The following FANK1 variants were observed in gnomAD, a reference collection of about 807,000 sequenced individuals.
FANK1 encodes fibronectin type 3 and ankyrin repeat domains protein 1.
Under a neutral mutation model 45.3 loss-of-function variants are expected in FANK1, and 44 were observed. That is an observed-to-expected ratio of 0.97 (90% CI 0.76 to 1.25). FANK1 has a LOEUF of 1.25. Among genes scored for constraint, FANK1 ranks in the 50% most tolerant of loss-of-function variants. The probability of loss-of-function intolerance (pLI) is 0.00; values close to 1 mark genes in which losing one functional copy is unlikely to be tolerated. For synonymous variants in FANK1, 149 were observed against 152.5 expected (o/e 0.98, Z 0.17); for missense variants, 391 against 424.4 (o/e 0.92, Z 0.69).
chr10:125,969,775 C>T (rs1475907132), intron 1 of FANK1, among the ~76,000 whole-genome samples: 2 of 152,050 alleles, frequency 1.3e-5, no homozygotes, highest in Admixed American at 1.3e-4. Flanking sequence ...ACCCTGTGGC[C>T]TTCCCCAGTG....
intron 1 of FANK1, among the ~76,000 whole-genome samples, chr10:125,903,638 C>T (rs1415366276): frequency 5.3e-5 from 8 of 151,306 alleles, no homozygotes; most frequent in East Asian, 1.9e-4. Context: ...GGATTCAGCC[C>T]GGGCAACATG....
chr10:125,940,364 CAAAT>C (rs1301476315), intron 1 of FANK1, among the ~76,000 whole-genome samples: 1 of 152,104 alleles, frequency 6.6e-6, no homozygotes, highest in Non-Finnish European at 1.5e-5. Flanking sequence ...CTCTGTGTCA[CAAAT>C]AAGTTCAAGG....
At chr10:125,906,570 T>C (rs1164156538) in intron 1 of FANK1, among the ~76,000 whole-genome samples, 5 of 144,702 alleles carry the variant, frequency 3.5e-5, no homozygotes, top group African/African-American at 1.3e-4. Flanking sequence ...AGTGTTTTAC[T>C]AGTGTTGGTT....
Position 125,941,743 on chromosome 10 carries a change from A to G in FANK1, c.14-38418A>G, listed in dbSNP as rs147712722. ...GTGAACCACGGCTACTCACAACTTG[A>G]TATATCCCAGTAACATGACATTTAA... On this transcript the variant is annotated intron_variant, in intron 1 of 10. Transcript: ENST00000368693. Among the ~76,000 whole-genome samples the G allele has an allele frequency of 3.8e-4, 58 of 152,366 alleles. No individual in the cohort carries two copies. The East Asian group carries it at 7.9e-3, about 21-fold the overall frequency.
chr10:126,005,058 C>T lies in FANK1; in HGVS notation c.705+9C>T, dbSNP rs1385142337. On this transcript the variant is annotated intron_variant, in intron 7 of 10. Coordinates refer to ENST00000368693, the MANE Select transcript of FANK1 (RefSeq NM_145235.5). ...TAAAGGATGGCTGTGAGGTACGGGA[C>T]CTGCCTTGTTAACCACGCACATATC... 1.1e-5 allele frequency: 18 copies of T among 1,610,330 alleles called. No homozygotes were observed. Among genetic ancestry groups the T allele is most frequent in the African/African-American group, 2.7e-5 (2 of 74,820 alleles).
At chr10:125,988,248 A>G (rs1351493944) in intron 2 of FANK1, among the ~76,000 whole-genome samples, 1 of 152,200 alleles carries the variant, frequency 6.6e-6, no homozygotes, top group East Asian at 1.9e-4. Flanking sequence ...CAAATATAAA[A>G]CTTTGTTACT....
chr10:125,930,777 G>C (rs1204071602), intron 1 of FANK1, among the ~76,000 whole-genome samples: 1 of 152,102 alleles, frequency 6.6e-6, no homozygotes, highest in Non-Finnish European at 1.5e-5. Context: ...ACATGAGTAA[G>C]TTCTTTAGTG....
At chr10:125,993,194 A>C (rs755572429) in intron 3 of FANK1, among the ~76,000 whole-genome samples, 6 of 152,194 alleles carry the variant, frequency 3.9e-5, no homozygotes, top group Admixed American at 1.3e-4. Context: ...TAGAAATAGA[A>C]TGAGCTTTAT....
intron 1 of FANK1, among the ~76,000 whole-genome samples, chr10:125,917,705 A>G (rs1230773884): frequency 1.3e-5 from 2 of 152,270 alleles, no homozygotes; most frequent in East Asian, 1.9e-4. Context: ...AAGAAATTAG[A>G]AGGGTGGAGG....
intron 1 of FANK1, among the ~76,000 whole-genome samples, chr10:125,959,437 A>G (rs1170714259): frequency 6.7e-6 from 1 of 149,606 alleles, no homozygotes; most frequent in Non-Finnish European, 1.5e-5. Flanking sequence ...AAAAAAAGAT[A>G]CGAAATAATG....
intron 1 of FANK1, chr10:125,960,232 G>T (rs568497782): frequency 3.4e-6 from 1 of 294,794 alleles, no homozygotes; most frequent in East Asian, 1.0e-4. Flanking sequence ...ACTCCAGGAG[G>T]GGGGTTACTT....
At chr10:125,999,700 A>T (rs1952615340) in intron 6 of FANK1, among the ~76,000 whole-genome samples, 1 of 152,180 alleles carries the variant, frequency 6.6e-6, no homozygotes, top group African/African-American at 2.4e-5. Context: ...CAGGCTACCT[A>T]ACCTCTCCGT....
intron 7 of FANK1, among the ~76,000 whole-genome samples, chr10:126,005,292 G>A (rs1292784085): frequency 1.3e-5 from 2 of 149,530 alleles, no homozygotes; most frequent in Non-Finnish European, 3.0e-5. Context: ...TGGACCTGAT[G>A]CTTCTACTTT....
At chr10:125,929,584 C>T (rs1232501460) in intron 1 of FANK1, among the ~76,000 whole-genome samples, 1 of 152,100 alleles carries the variant, frequency 6.6e-6, no homozygotes, top group Non-Finnish European at 1.5e-5. Context: ...AAAATTTTAC[C>T]TAATTCTATG....
chr10:125,970,641 C>T (rs918916542), intron 1 of FANK1, among the ~76,000 whole-genome samples: 7 of 152,198 alleles, frequency 4.6e-5, no homozygotes, highest in African/African-American at 1.7e-4. Context: ...GGCGAAACCC[C>T]TTCTCCACCA....
intron 1 of FANK1, among the ~76,000 whole-genome samples, chr10:125,963,969 C>T (rs970378053): frequency 6.6e-6 from 1 of 150,410 alleles, no homozygotes; most frequent in African/African-American, 2.4e-5. Flanking sequence ...AAGGGTAAGA[C>T]AAAAAAAAGG....
At position 125,970,758 on chromosome 10, in the gene FANK1, G is replaced by C. The variant is rs140419696; in HGVS notation, c.14-9403G>C. ...AGGGAGGTTGCAGTGAGCCGAGATC[G>C]CGGCAGTACAGTCCAGCCTCGGCAA... is the stretch of plus-strand genomic sequence containing the variant. On this transcript the variant is annotated intron_variant, in intron 1 of 10. Transcript: ENST00000368693. Among the ~76,000 whole-genome samples the C allele has an allele frequency of 1.6e-3, 248 of 152,318 alleles. 1 individual carries two copies. The highest frequency in any genetic ancestry group is 9.1e-3 in the South Asian group (44 of 4,824).
At chr10:125,958,345 A>C (rs549023173) in intron 1 of FANK1, among the ~76,000 whole-genome samples, 26 of 152,286 alleles carry the variant, frequency 1.7e-4, no homozygotes, top group African/African-American at 6.3e-4. Context: ...AAAGAGGCTT[A>C]ATTGATTCAT....
intron 3 of FANK1, 131 bp downstream of exon 3, chr10:125,988,806 T>G: frequency 1.6e-5 from 21 of 1,327,882 alleles, no homozygotes; most frequent in Non-Finnish European, 2.2e-5. Flanking sequence ...AACACTGCAA[T>G]AATATTTGCT....
Sources: allele counts gnomAD v4.1 joint callset (sites outside exome capture counted in the v4.1 genomes callset), GRCh38; gene constraint gnomAD v4.1.1; transcripts MANE v1.5; gene names NCBI Gene and HGNC (gene_info 2026-07-23, HGNC 2026-07-21).